GLIS3: variants seen among roughly 807,000 people sequenced by gnomAD.
The protein encoded by GLIS3 is zinc finger protein GLIS3.
A neutral mutation model predicts 78.6 loss-of-function variants in GLIS3; 53 were observed. The observed-to-expected ratio is 0.67, with a 90% CI of 0.54 to 0.85. The LOEUF (loss-of-function observed/expected upper bound fraction) is 0.85, where lower values mean the gene tolerates loss of function less well. GLIS3 is among the 40% of genes least tolerant of loss of function. The pLI is 0.00. For missense variants in GLIS3, 1,703 were observed against 1,231.1 expected (o/e 1.38, Z -5.74); for synonymous variants, 684 against 509.9 (o/e 1.34, Z -4.60).
At chr9:3,889,672 C>T (rs1197485041) in intron 7 of GLIS3, among the ~76,000 whole-genome samples, 1 of 152,172 alleles carries the variant, frequency 6.6e-6, no homozygotes, top group African/African-American at 2.4e-5. Context: ...CAGGGCTTGG[C>T]AAACCTTTGT....
At chr9:4,258,531 T>A (rs1185693537) in intron 2 of GLIS3, among the ~76,000 whole-genome samples, 1 of 152,188 alleles carries the variant, frequency 6.6e-6, no homozygotes, top group Non-Finnish European at 1.5e-5. Context: ...TCTAAAATTA[T>A]CCTGAAAGAA....
chr9:4,134,758 C>G (rs962504655), intron 2 of GLIS3, among the ~76,000 whole-genome samples: 1 of 152,174 alleles, frequency 6.6e-6, no homozygotes, highest in Non-Finnish European at 1.5e-5. Context: ...AAAAAAGGAA[C>G]TGTCTCTCAG....
At chr9:3,920,058 C>T (rs572288141) in intron 6 of GLIS3, among the ~76,000 whole-genome samples, 1 of 140,568 alleles carries the variant, frequency 7.1e-6, no homozygotes, top group Non-Finnish European at 1.5e-5. Flanking sequence ...GGCTGGAGTG[C>T]AGTGGCACGG....
At chr9:4,407,412 G>T in the GLIS3 span, among the ~76,000 whole-genome samples, 1 of 152,210 alleles carries the variant, frequency 6.6e-6, no homozygotes, top group African/African-American at 2.4e-5. Context: ...TCGGGAGGCC[G>T]AGGCAGGTGG....
At chr9:4,405,359 A>AAAAAAG in the GLIS3 span, among the ~76,000 whole-genome samples, 33 of 151,984 alleles carry the variant, frequency 2.2e-4, no homozygotes, top group African/African-American at 7.5e-4. Context: ...CATCTTAAAA[A>AAAAAAG]AAAAAGAAAA....
the GLIS3 span, among the ~76,000 whole-genome samples, chr9:4,382,356 G>A: frequency 1.3e-5 from 2 of 152,130 alleles, no homozygotes; most frequent in Non-Finnish European, 2.9e-5. Context: ...TATGTGTAGG[G>A]AATAAAATGC....
Position 3,854,694 on chromosome 9 carries a change from G to A in GLIS3, c.2473+1315C>T, listed in dbSNP as rs552693206. Among the ~76,000 whole-genome samples the A allele has an allele frequency of 1.7e-3, 192 of 115,978 alleles. 2 individuals carry two copies. Among genetic ancestry groups the A allele is most frequent in the African/African-American group, 5.3e-3 (184 of 34,416 alleles). 76.1% of individuals were successfully genotyped at this position (115,978 alleles called of 152,430 possible). On this transcript the variant is annotated intron_variant, in intron 9 of 10. Transcript: ENST00000381971. ...TGGGACTACAAGCGCCCGCCGTCAC[G>A]CCTGGCTAATTTTTTTTTTTTTTGT...
intron 2 of GLIS3, among the ~76,000 whole-genome samples, chr9:4,198,269 C>A (rs567790665): frequency 6.6e-6 from 1 of 152,072 alleles, no homozygotes; most frequent in East Asian, 1.9e-4. Context: ...GTAAGGCAAT[C>A]CAGGAAATGA....
At chr9:4,481,825 C>T in the GLIS3 span, among the ~76,000 whole-genome samples, 1 of 152,130 alleles carries the variant, frequency 6.6e-6, no homozygotes, top group Non-Finnish European at 1.5e-5. Context: ...TTACTAATTG[C>T]CTAACTGTCC....
At chr9:4,316,864 T>C (rs980429363) in intron 2 of GLIS3, among the ~76,000 whole-genome samples, 2 of 124,512 alleles carry the variant, frequency 1.6e-5, no homozygotes, top group African/African-American at 7.1e-5. Flanking sequence ...GTGTTGGTGA[T>C]CTTTATTTAG....
the GLIS3 span, among the ~76,000 whole-genome samples, chr9:4,406,166 A>G: frequency 6.6e-6 from 1 of 152,194 alleles, no homozygotes; most frequent in African/African-American, 2.4e-5. Context: ...TCTGGAAGAC[A>G]ACAAAGATGC....
chr9:4,467,733 C>T, the GLIS3 span, among the ~76,000 whole-genome samples: 3 of 152,128 alleles, frequency 2.0e-5, no homozygotes, highest in Non-Finnish European at 1.5e-5. Flanking sequence ...CTCTTCACCC[C>T]CAAAGGAAGA....
chr9:3,834,124 A>G (rs1818206263), intron 9 of GLIS3, among the ~76,000 whole-genome samples: 1 of 152,172 alleles, frequency 6.6e-6, no homozygotes, highest in Non-Finnish European at 1.5e-5. Context: ...CTTCACATTC[A>G]TTCATTCTTA....
chr9:3,888,848 T>G (rs1822244731), intron 7 of GLIS3, among the ~76,000 whole-genome samples: 1 of 152,194 alleles, frequency 6.6e-6, no homozygotes, highest in Non-Finnish European at 1.5e-5. Flanking sequence ...ATGTAAAGGC[T>G]TTTATCTGTA....
intron 4 of GLIS3, among the ~76,000 whole-genome samples, chr9:4,307,132 A>C (rs1011320066): frequency 3.3e-5 from 5 of 152,196 alleles, no homozygotes; most frequent in Non-Finnish European, 5.9e-5. Context: ...AGTACGTAAG[A>C]TTCTTGATCT....
intron 4 of GLIS3, among the ~76,000 whole-genome samples, chr9:4,009,296 G>A (rs777878474): frequency 5.3e-5 from 8 of 152,134 alleles, no homozygotes; most frequent in Non-Finnish European, 8.8e-5. Flanking sequence ...CAGACACAAG[G>A]TGGTTCATGC....
chr9:4,249,056 G>A (rs1366311433), intron 2 of GLIS3, among the ~76,000 whole-genome samples: 5 of 152,170 alleles, frequency 3.3e-5, no homozygotes, highest in African/African-American at 1.2e-4. Flanking sequence ...TTGAAGTCAG[G>A]TAGCATGATG....
At chr9:4,242,926 G>A (rs1430880785) in intron 2 of GLIS3, among the ~76,000 whole-genome samples, 5 of 151,992 alleles carry the variant, frequency 3.3e-5, no homozygotes, top group Admixed American at 2.0e-4. Context: ...ATTCATATGT[G>A]TAGCTTACAC....
At chr9:4,434,343 T>G in the GLIS3 span, among the ~76,000 whole-genome samples, 1 of 152,198 alleles carries the variant, frequency 6.6e-6, no homozygotes, top group South Asian at 2.1e-4. Context: ...GACAATATTA[T>G]AATTTATTTT....
Sources: gnomAD v4.1 joint callset for allele counts (sites outside exome capture counted in the v4.1 genomes callset) on GRCh38, gnomAD v4.1.1 for gene constraint, MANE v1.5 for transcripts, NCBI Gene and HGNC (gene_info 2026-07-23, HGNC 2026-07-21) for gene names.